Variants in CACNA1E observed in about 807,000 individuals in gnomAD.
CACNA1E encodes calcium voltage-gated channel subunit alpha1 E.
Under a neutral mutation model 259.2 loss-of-function variants are expected in CACNA1E, and 40 were observed. The ratio of observed to expected loss-of-function variants is 0.15; its 90% CI spans 0.12 to 0.20. The LOEUF is 0.20. CACNA1E is among the 10% of genes least tolerant of loss of function. CACNA1E has a pLI of 1.00. For missense variants in CACNA1E, 1,874 were observed against 3,040.1 expected, an observed-to-expected ratio of 0.62 and a Z score of 9.02; for synonymous variants, 1,104 against 1,138.5, an observed-to-expected ratio of 0.97 and a Z score of 0.61.
chr1:181,768,056 C>T (rs1659179612), intron 35 of CACNA1E, among the ~76,000 whole-genome samples: 1 of 152,230 alleles, frequency 6.6e-6, no homozygotes, highest in Non-Finnish European at 1.5e-5. Context: ...TCACCTCAAA[C>T]ATTTATATCT....
chr1:181,483,580 GC>G lies in CACNA1E; in HGVS notation c.-164del, dbSNP rs1663495807. On this transcript the variant is annotated 5_prime_UTR_variant, in exon 1 of 48. Transcript: ENST00000367573. ...ATTCAACAGTTCACAGCGGCGGGCT[GC>G]TGCTGCTGCCTCTCCGAAGAGCTCG... 2 of 446,670 alleles carry G rather than the reference GC, an allele frequency of 4.5e-6. No homozygotes were observed. Among genetic ancestry groups the G allele is most frequent in the Admixed American group, 7.9e-5 (2 of 25,274 alleles). The allele number at this position is 446,670 out of a possible 1,614,324, so 27.7% of individuals were successfully genotyped here. A position where few individuals can be genotyped will look rare whatever the true frequency, so the allele number is the denominator to read the frequency against.
rs147371048 is a variant in CACNA1E, at chr1:181,458,598, G to A, written c.435-25146G>A. 3.1e-4 allele frequency among the ~76,000 whole-genome samples: 47 copies of A among 152,302 alleles called. No homozygotes were observed. The East Asian group carries it at 8.9e-3, about 29-fold the overall frequency. ...GTGAAAAGCCACTTCCAAGAAACACGAAGATAAACTGAATGCCCTTGACAC... is the reference window on the plus strand; with the variant it reads ...GTGAAAAGCCACTTCCAAGAAACACAAAGATAAACTGAATGCCCTTGACAC... On this transcript the variant is annotated intron_variant, in intron 2 of 11. Transcript: ENST00000524607.
rs1294061346 is a variant in CACNA1E at position 181,771,335 on chromosome 1, C to T, written c.4924C>T (p.Arg1642Trp). Residue 1642 changes from arginine (R) to tryptophan (W), a missense_variant, in exon 36 of 48, where the codon CGG (arginine) becomes TGG (tryptophan). Physicochemically the swap from Arg to Trp is moderately radical, Grantham distance 101. Transcript: ENST00000367573. ...IKLDEESHIN[R>W]HNNFRSFFGS... Reference sequence around the variant, plus strand: ...ATTAGACGAGGAGAGTCACATCAACCGGCACAACAACTTCCGGAGTTTCTT... The same window carrying T: ...ATTAGACGAGGAGAGTCACATCAACTGGCACAACAACTTCCGGAGTTTCTT... 6 of 1,601,972 alleles carry T rather than the reference C, an allele frequency of 3.7e-6. No individual in the cohort carries two copies. Among genetic ancestry groups the T allele is most frequent in the East Asian group, 2.2e-5 (1 of 44,678 alleles).
chr1:181,783,746 C>T lies in CACNA1E; in HGVS notation c.5432C>T (p.Ala1811Val). ...MTVHFTSTLMALIRTALDIKI... is the reference protein window; with the variant it reads ...MTVHFTSTLMVLIRTALDIKI... ...GTCCACTTCACCTCCACACTTATGG[C>T]TCTGATCCGGACAGCTCTGGACATT... Residue 1811 changes from alanine (A) to valine (V), a missense_variant, in exon 40 of 48, where the codon GCT becomes GTT. Ala to Val is a moderately conservative substitution (Grantham distance 64). Transcript: ENST00000367573. 6.2e-7 allele frequency: 1 copy of T among 1,612,010 alleles called. No individual in the cohort carries two copies. The highest frequency in any genetic ancestry group is 1.3e-5 in the African/African-American group (1 of 74,270).
At chr1:181,439,562 C>T (rs1660317242) in intron 2 of CACNA1E, among the ~76,000 whole-genome samples, 1 of 152,176 alleles carries the variant, frequency 6.6e-6, no homozygotes, top group Non-Finnish European at 1.5e-5. Flanking sequence ...GTGTCCCCAT[C>T]ACCCAGCACA....
At position 181,798,347 on chromosome 1, in the gene CACNA1E, CAAG is replaced by C. The variant is rs775896761; in HGVS notation, c.6462_6464del (p.Arg2154del). 7.3e-5 allele frequency: 117 copies of C among 1,610,270 alleles called. No individual in the cohort carries two copies. The highest frequency in any genetic ancestry group is 3.3e-4 in the Middle Eastern group (2 of 6,058). On this transcript the variant is annotated inframe_deletion, in exon 48 of 48. Transcript: ENST00000367573. This position sits in a 1 kb window ranked among gnomAD's most constrained non-coding sequence, Gnocchi z 4.2. ...CCCTCTGTCTCTGACACCAGCACCC[CAAG>C]AAGAAGTCGTCGGCAGCTCCCACCC...
intron 3 of CACNA1E, among the ~76,000 whole-genome samples, chr1:181,512,409 C>T (rs1389299746): frequency 2.0e-5 from 3 of 152,128 alleles, no homozygotes; most frequent in Non-Finnish European, 4.4e-5. Context: ...AGACAGGGTT[C>T]AAACCCATGA....
At chr1:181,347,575 T>C (rs566864065) in intron 1 of CACNA1E, among the ~76,000 whole-genome samples, 2 of 152,320 alleles carry the variant, frequency 1.3e-5, no homozygotes, top group South Asian at 2.1e-4. Flanking sequence ...GGATCGCCCA[T>C]TCGAAAGGCC....
chr1:181,679,861 G>A (rs1327858048), intron 7 of CACNA1E, among the ~76,000 whole-genome samples: 1 of 152,212 alleles, frequency 6.6e-6, no homozygotes, highest in Non-Finnish European at 1.5e-5. Flanking sequence ...AAGTCCACCT[G>A]TAATTCCAGT....
chr1:181,405,154 C>T (rs1256528872), intron 1 of CACNA1E, among the ~76,000 whole-genome samples: 5 of 152,224 alleles, frequency 3.3e-5, no homozygotes, highest in African/African-American at 1.2e-4. Flanking sequence ...CCAACGTACT[C>T]CCTTTAAAAG....
At position 181,736,399 on chromosome 1, in the gene CACNA1E, C is replaced by T. The variant is rs1321198006; in HGVS notation, c.3387C>T (p.Pro1129=). ...EKRETGKAMV[P]HSSMFIFSTT... is the part of the protein sequence containing the mutation. Reference sequence around the variant, plus strand: ...GTGAGACAGGCAAAGCCATGGTGCCCCACAGCTCAATGTTCATCTTCAGCA... The same window carrying T: ...GTGAGACAGGCAAAGCCATGGTGCCTCACAGCTCAATGTTCATCTTCAGCA... The change falls in exon 22 of 48, where the codon CCC becomes CCT. Residue 1129 remains proline (P), a synonymous_variant. Coordinates refer to ENST00000367573, the MANE Select transcript of CACNA1E (RefSeq NM_001205293.3). 1.2e-6 allele frequency: 2 copies of T among 1,612,734 alleles called. No homozygotes were observed. Among genetic ancestry groups the T allele is most frequent in the Admixed American group, 1.7e-5 (1 of 59,910 alleles).
At position 181,394,176 on chromosome 1, in the gene CACNA1E, T is replaced by C. The variant is rs143938934; in HGVS notation, c.-14-18957T>C. Among the ~76,000 whole-genome samples, 125 of 152,328 alleles carry C rather than the reference T, an allele frequency of 8.2e-4. 2 individuals are homozygous for C. The highest frequency in any genetic ancestry group is 1.3e-3 in the Non-Finnish European group (89 of 68,038). The stretch of plus-strand genomic sequence containing the variant: ...AAGAGTGGTGGGGGAGTTTACTTTA[T>C]CTCCAGCCAGACCTGGGTTCAAATC... On this transcript the variant is annotated intron_variant, in intron 1 of 11. Transcript: ENST00000524607.
At position 181,776,518 on chromosome 1, in the gene CACNA1E, T is replaced by C. The variant is rs541272052; in HGVS notation, c.5267+290T>C. Among the ~76,000 whole-genome samples the C allele has an allele frequency of 1.1e-4, 17 of 152,324 alleles. No homozygotes were observed. Among genetic ancestry groups the C allele is most frequent in the South Asian group, 6.2e-4 (3 of 4,826 alleles). Reference sequence around the variant, plus strand: ...TTTGGGCTCAGTCCCAAGAGAACTTTCCAATAATCTTTTTCTGCCAATGGT... The same window carrying C: ...TTTGGGCTCAGTCCCAAGAGAACTTCCCAATAATCTTTTTCTGCCAATGGT... On this transcript the variant is annotated intron_variant, in intron 38 of 47. Coordinates refer to ENST00000367573, the MANE Select transcript of CACNA1E (RefSeq NM_001205293.3). The surrounding 1 kb of genome is among the most constrained non-coding windows in gnomAD (Gnocchi z 4.4).
chr1:181,722,627 C>T (rs1166575171), intron 16 of CACNA1E, among the ~76,000 whole-genome samples: 2 of 152,028 alleles, frequency 1.3e-5, no homozygotes, highest in Non-Finnish European at 2.9e-5. Flanking sequence ...CTCCTTTGTT[C>T]GTGGTGAATA....
At chr1:181,373,694 C>T (rs981666281) in intron 1 of CACNA1E, among the ~76,000 whole-genome samples, 11 of 152,160 alleles carry the variant, frequency 7.2e-5, no homozygotes, top group South Asian at 4.2e-4. Context: ...CCTGCCACTA[C>T]GCCCGGCTAA....
chr1:181,427,980 C>T (rs1287322826), intron 2 of CACNA1E, among the ~76,000 whole-genome samples: 1 of 152,144 alleles, frequency 6.6e-6, no homozygotes, highest in Non-Finnish European at 1.5e-5. Flanking sequence ...CATGACTGAA[C>T]CACAGTTTAT....
At chr1:181,757,884 A>C in intron 30 of CACNA1E, 63 bp from the exon 31 acceptor site, 1 of 1,559,198 alleles carries the variant, frequency 6.4e-7, no homozygotes, top group Non-Finnish European at 8.8e-7. Flanking sequence ...AGCATGGAAC[A>C]GAGCCTGCCA....
chr1:181,772,252 G>T, intron 37 of CACNA1E, 21 bp downstream of exon 37: 1 of 1,606,502 alleles, frequency 6.2e-7, no homozygotes, highest in Non-Finnish European at 8.5e-7. Context: ...TTGTGCTTTT[G>T]CCTTGCTATG....
At chr1:181,663,983 T>C (rs1647945787) in intron 7 of CACNA1E, among the ~76,000 whole-genome samples, 1 of 152,242 alleles carries the variant, frequency 6.6e-6, no homozygotes, top group African/African-American at 2.4e-5. Context: ...TAGGCAATTG[T>C]GGGCAAATAA....
Sources: allele counts gnomAD v4.1 joint callset (sites outside exome capture counted in the v4.1 genomes callset), GRCh38; gene constraint gnomAD v4.1.1; non-coding constraint Gnocchi (gnomAD v3.1); transcripts MANE v1.5; gene names NCBI Gene and HGNC (gene_info 2026-07-23, HGNC 2026-07-21).